The following MRPL13 variants were observed in gnomAD, a reference collection of about 807,000 sequenced individuals.
MRPL13 encodes the protein large ribosomal subunit protein uL13m.
MRPL13 carries 33 observed loss-of-function variants against 29.0 expected under a neutral mutation model. That is an observed-to-expected ratio of 1.14 (90% CI 0.86 to 1.52). The LOEUF is 1.52. Ranked by LOEUF, MRPL13 falls within the 40% of genes most tolerant of loss-of-function variation. The pLI, the probability that MRPL13 is intolerant of heterozygous loss-of-function variation, is 0.00. For missense variants in MRPL13, 227 were observed against 216.7 expected (o/e 1.05, Z -0.30); for synonymous variants, 77 against 68.4 (o/e 1.13, Z -0.62).
intron 1 of MRPL13, among the ~76,000 whole-genome samples, chr8:120,443,718 A>C (rs1289048349): frequency 6.6e-6 from 1 of 151,624 alleles, no homozygotes; most frequent in Non-Finnish European, 1.5e-5. Context: ...AAAAACATTT[A>C]GAGATTATTA....
intron 1 of MRPL13, 167 bp downstream of exon 1, chr8:120,444,901 T>C: frequency 1.8e-6 from 1 of 564,800 alleles, no homozygotes; most frequent in Non-Finnish European, 3.1e-6. Context: ...ACGAACGACA[T>C]TAAGTGCTTG....
rs781677053 is a variant in MRPL13, at chr8:120,396,054, A to G, written c.*50T>C. ...ATCCTGTAGGTTAGAGAAACTCATC[A>G]GAAGAAAGTTTCAATCACTTCACTG... is the stretch of plus-strand genomic sequence containing the variant. On this transcript the variant is annotated 3_prime_UTR_variant, in exon 7 of 7. Coordinates refer to ENST00000306185, the MANE Select transcript of MRPL13 (RefSeq NM_014078.6). 6.7e-6 allele frequency: 10 copies of G among 1,490,104 alleles called. No individual in the cohort carries two copies. The Admixed American group carries it at 9.5e-5, about 14-fold the overall frequency. The allele number at this position is 1,490,104 out of a possible 1,614,324, so 92.3% of individuals were successfully genotyped here. A position where few individuals can be genotyped will look rare whatever the true frequency, so the allele number is the denominator to read the frequency against.
At chr8:120,408,951 G>C (rs990803456) in intron 6 of MRPL13, among the ~76,000 whole-genome samples, 2 of 152,138 alleles carry the variant, frequency 1.3e-5, no homozygotes, top group Non-Finnish European at 2.9e-5. Flanking sequence ...CTTTTACAGA[G>C]CTGAATGGAT....
intron 5 of MRPL13, 40 bp from the exon 6 acceptor site, chr8:120,414,152 A>G (rs1466238311): frequency 7.2e-7 from 1 of 1,396,232 alleles, no homozygotes; most frequent in Non-Finnish European, 9.5e-7. Context: ...TTCTTAAAAT[A>G]TCTTTCTTAG....
rs555290893 is a variant in MRPL13 at position 120,395,614 on chromosome 8, A to C, written c.*490T>G. 7 of 153,516 alleles carry C rather than the reference A, an allele frequency of 4.6e-5. No homozygotes were observed. Among genetic ancestry groups the C allele is most frequent in the Admixed American group, 2.0e-4 (3 of 15,318 alleles). The allele number at this position is 153,516 out of a possible 1,614,324, so 9.5% of individuals were successfully genotyped here. ...ACACAGAAAAAGATAGCAGTTTATAAATATTTCAGGGCAAACTTTACCCTA... is the reference window on the plus strand; with the variant it reads ...ACACAGAAAAAGATAGCAGTTTATACATATTTCAGGGCAAACTTTACCCTA... On this transcript the variant is annotated 3_prime_UTR_variant, in exon 7 of 7. Coordinates refer to ENST00000306185, the MANE Select transcript of MRPL13 (RefSeq NM_014078.6).
chr8:120,421,477 T>A (rs950102399), intron 4 of MRPL13, among the ~76,000 whole-genome samples: 1 of 151,928 alleles, frequency 6.6e-6, no homozygotes, highest in Non-Finnish European at 1.5e-5. Context: ...AATTCTCCGA[T>A]AGGCCACACA....
intron 2 of MRPL13, among the ~76,000 whole-genome samples, chr8:120,438,270 G>C (rs1269567536): frequency 1.3e-5 from 2 of 152,180 alleles, no homozygotes; most frequent in Non-Finnish European, 2.9e-5. Flanking sequence ...AGGCTCAGAA[G>C]GTGGAGGCTG....
chr8:120,409,298 C>T, intron 6 of MRPL13, among the ~76,000 whole-genome samples: 1 of 152,072 alleles, frequency 6.6e-6, no homozygotes, highest in East Asian at 1.9e-4. Context: ...ACGTAGTTTT[C>T]CTTAGGAAAA....
intron 6 of MRPL13, among the ~76,000 whole-genome samples, chr8:120,403,985 CTTTG>C (rs942360524): frequency 2.0e-5 from 3 of 152,174 alleles, no homozygotes; most frequent in African/African-American, 7.2e-5. Flanking sequence ...AGTTTTGTCA[CTTTG>C]TTTGTGAAAT....
chr8:120,422,545 G>A (rs934956720), intron 4 of MRPL13, among the ~76,000 whole-genome samples: 2 of 148,014 alleles, frequency 1.4e-5, no homozygotes, highest in Non-Finnish European at 3.0e-5. Context: ...GTTTCTGAGA[G>A]GTCATTTAAT....
At chr8:120,424,671 T>C (rs895163223) in intron 4 of MRPL13, among the ~76,000 whole-genome samples, 1 of 151,940 alleles carries the variant, frequency 6.6e-6, no homozygotes, top group Admixed American at 6.6e-5. Flanking sequence ...GAGGCTGAGG[T>C]GGGAAGATCC....
Position 120,404,128 on chromosome 8 carries a change from T to A in MRPL13, c.516-8003A>T, listed in dbSNP as rs1354393450. On this transcript the variant is annotated intron_variant, in intron 6 of 6. Transcript: ENST00000306185. Reference sequence around the variant, plus strand: ...TCAATATACGCAAAGCAGTTCTTAGTAAAGAGACACCAGTACATTTTAAGA... The same window carrying A: ...TCAATATACGCAAAGCAGTTCTTAGAAAAGAGACACCAGTACATTTTAAGA... 2.0e-5 allele frequency among the ~76,000 whole-genome samples: 3 copies of A among 152,204 alleles called. No individual in the cohort carries two copies. In the East Asian group the frequency reaches 5.8e-4, roughly 29 times the overall value.
Position 120,396,005 on chromosome 8 carries a change from G to T in MRPL13, c.*99C>A. 2 of 989,824 alleles carry T rather than the reference G, an allele frequency of 2.0e-6. No individual in the cohort carries two copies. The highest frequency in any genetic ancestry group is 2.7e-5 in the East Asian group (1 of 37,676). The allele number at this position is 989,824 out of a possible 1,614,324, so 61.3% of individuals were successfully genotyped here. A position where few individuals can be genotyped will look rare whatever the true frequency, so the allele number is the denominator to read the frequency against. On this transcript the variant is annotated 3_prime_UTR_variant, in exon 7 of 7. Transcript: ENST00000306185. ...TGATTCGGCACATAAAACAGGTGCT[G>T]AACTGTAGCAGTTGTTTTACTCCAT... is the stretch of plus-strand genomic sequence containing the variant.
Position 120,414,049 on chromosome 8 carries a change from T to C in MRPL13, c.457A>G (p.Lys153Glu). ...EELPQPRKIP[K>E]RLDEYTQEEI... is the part of the protein sequence containing the mutation. Reference sequence around the variant, plus strand: ...TCTTGTGTGTACTCATCTAGACGTTTAGGTATTTTTCGTGGTTGAGGAAGC... The same window carrying C: ...TCTTGTGTGTACTCATCTAGACGTTCAGGTATTTTTCGTGGTTGAGGAAGC... Residue 153 changes from lysine (K) to glutamate (E), a missense_variant, in exon 6 of 7, where the codon AAA (lysine) becomes GAA (glutamate). Transcript: ENST00000306185. 1 of 1,603,344 alleles carries C rather than the reference T, an allele frequency of 6.2e-7. No individual in the cohort carries two copies. The highest frequency in any genetic ancestry group is 8.5e-7 in the Non-Finnish European group (1 of 1,175,738).
intron 6 of MRPL13, among the ~76,000 whole-genome samples, chr8:120,407,602 C>T (rs549112383): frequency 2.2e-4 from 34 of 151,838 alleles, no homozygotes; most frequent in African/African-American, 3.4e-4. Context: ...GCCGAGATCG[C>T]GCCATTTCAC....
intron 3 of MRPL13, among the ~76,000 whole-genome samples, chr8:120,428,698 A>G (rs1812961287): frequency 6.6e-6 from 1 of 152,220 alleles, no homozygotes; most frequent in Admixed American, 6.6e-5. Context: ...CCTTTCCAAA[A>G]GAAGACGTAC....
intron 6 of MRPL13, among the ~76,000 whole-genome samples, chr8:120,397,020 G>A (rs1812532131): frequency 6.6e-6 from 1 of 152,182 alleles, no homozygotes; most frequent in Admixed American, 6.6e-5. Flanking sequence ...AAGAACTAAG[G>A]AAATCAGGAT....
At position 120,395,840 on chromosome 8, in the gene MRPL13, T is replaced by C; in HGVS notation, c.*264A>G. ...TGTTTTTTATCATTAAATGCAACAC[T>C]AAATAGTCAACCAAGTAAGTGATTT... On this transcript the variant is annotated 3_prime_UTR_variant, in exon 7 of 7. Coordinates refer to ENST00000306185, the MANE Select transcript of MRPL13 (RefSeq NM_014078.6). The C allele has an allele frequency of 2.9e-6, 1 of 339,172 alleles. No individual in the cohort carries two copies. The highest frequency in any genetic ancestry group is 5.3e-6 in the Non-Finnish European group (1 of 188,130). 21.0% of individuals were successfully genotyped at this position (339,172 alleles called of 1,614,324 possible).
In MRPL13 at chr8:120,433,485, T is replaced by A. The variant is rs371404180; in HGVS notation, c.152-1362A>T. The stretch of plus-strand genomic sequence containing the variant: ...TAAAACTGAATTTATTTTTAAATTG[T>A]TAAGTTTTAAATATAGGTAAAGCAT... On this transcript the variant is annotated intron_variant, in intron 2 of 6. Coordinates refer to ENST00000306185, the MANE Select transcript of MRPL13 (RefSeq NM_014078.6). 1.6e-4 allele frequency among the ~76,000 whole-genome samples: 25 copies of A among 152,190 alleles called. No homozygotes were observed. In the East Asian group the frequency reaches 4.6e-3, roughly 28 times the overall value.
Sources: gnomAD v4.1 joint callset for allele counts (sites outside exome capture counted in the v4.1 genomes callset) on GRCh38, gnomAD v4.1.1 for gene constraint, MANE v1.5 for transcripts, NCBI Gene and HGNC (gene_info 2026-07-23, HGNC 2026-07-21) for gene names.